EPHA6: variants seen among roughly 807,000 people sequenced by gnomAD.
The protein encoded by EPHA6 is ephrin type-A receptor 6.
EPHA6 carries 50 observed loss-of-function variants against 112.0 expected under a neutral mutation model. The observed-to-expected ratio is 0.45, with a 90% confidence interval of 0.36 to 0.56. EPHA6 has a LOEUF of 0.56. EPHA6 is among the 20% of genes least tolerant of loss of function. The pLI, the probability that EPHA6 is intolerant of heterozygous loss-of-function variation, is 0.00. For missense variants in EPHA6, 1,280 were observed against 1,417.4 expected (o/e 0.90, Z 1.56); for synonymous variants, 529 against 490.7 (o/e 1.08, Z -1.03).
intron 3 of EPHA6, among the ~76,000 whole-genome samples, chr3:97,084,499 G>A (rs1024886132): frequency 6.6e-6 from 1 of 151,950 alleles, no homozygotes; most frequent in South Asian, 2.1e-4. Context: ...CTCACTGGGC[G>A]AAACGCAACA....
chr3:97,212,209 G>A (rs2077896260), intron 3 of EPHA6, among the ~76,000 whole-genome samples: 1 of 152,044 alleles, frequency 6.6e-6, no homozygotes, highest in Admixed American at 6.6e-5. Context: ...TTCATTTCAG[G>A]ATACTTGGGA....
chr3:97,307,471 T>A (rs1017108371), intron 5 of EPHA6, among the ~76,000 whole-genome samples: 1 of 151,834 alleles, frequency 6.6e-6, no homozygotes, highest in Non-Finnish European at 1.5e-5. Flanking sequence ...GTTGTACATG[T>A]CAGATTCCCC....
chr3:97,139,731 C>T (rs1045559865), intron 3 of EPHA6, among the ~76,000 whole-genome samples: 1 of 152,098 alleles, frequency 6.6e-6, no homozygotes, highest in Non-Finnish European at 1.5e-5. Context: ...GGCAGCTTCT[C>T]CAGATGAGAA....
chr3:97,617,448 G>T (rs1240166707), intron 13 of EPHA6, among the ~76,000 whole-genome samples: 1 of 152,090 alleles, frequency 6.6e-6, no homozygotes, highest in South Asian at 2.1e-4. Context: ...AAATGTAAAT[G>T]GGCTAAGTGC....
At chr3:96,944,496 A>G (rs2041147957) in intron 2 of EPHA6, among the ~76,000 whole-genome samples, 1 of 152,218 alleles carries the variant, frequency 6.6e-6, no homozygotes, top group Admixed American at 6.5e-5. Flanking sequence ...CTGAACTCCT[A>G]CTTGGTTATT....
chr3:97,503,511 G>GAAGT (rs1231261130), intron 10 of EPHA6, among the ~76,000 whole-genome samples: 9 of 152,138 alleles, frequency 5.9e-5, no homozygotes, highest in African/African-American at 1.4e-4. Context: ...CACAAAGCAT[G>GAAGT]CACCAAAGCT....
At chr3:97,531,493 T>C (rs1363059074) in intron 10 of EPHA6, among the ~76,000 whole-genome samples, 1 of 152,016 alleles carries the variant, frequency 6.6e-6, no homozygotes, top group African/African-American at 2.4e-5. Flanking sequence ...ACCTAAATCC[T>C]GCTCATCTCT....
intron 11 of EPHA6, among the ~76,000 whole-genome samples, chr3:97,581,142 A>C (rs1014179382): frequency 1.3e-5 from 2 of 152,202 alleles, no homozygotes; most frequent in African/African-American, 4.8e-5. Context: ...ATGAGAAGGC[A>C]CATATGCAAC....
intron 5 of EPHA6, among the ~76,000 whole-genome samples, chr3:97,368,950 C>T (rs911143364): frequency 6.6e-6 from 1 of 152,070 alleles, no homozygotes; most frequent in Admixed American, 6.6e-5. Context: ...ATAGGTTGAC[C>T]TGTTTTGTAT....
intron 5 of EPHA6, among the ~76,000 whole-genome samples, chr3:97,253,595 T>A (rs1184726163): frequency 6.6e-6 from 1 of 152,180 alleles, no homozygotes; most frequent in Non-Finnish European, 1.5e-5. Context: ...ATTTCCTAAG[T>A]AATCTTTTAT....
At chr3:97,572,193 C>G (rs1051648808) in intron 11 of EPHA6, among the ~76,000 whole-genome samples, 3 of 149,902 alleles carry the variant, frequency 2.0e-5, no homozygotes, top group Admixed American at 2.0e-4. Context: ...CTCTGTCGCC[C>G]AGGCTGGAGT....
At chr3:97,436,926 A>G (rs1346577529) in intron 6 of EPHA6, among the ~76,000 whole-genome samples, 2 of 152,202 alleles carry the variant, frequency 1.3e-5, no homozygotes, top group Admixed American at 1.3e-4. Flanking sequence ...TTTATTGTGT[A>G]TAATTAAGAG....
intron 2 of EPHA6, among the ~76,000 whole-genome samples, chr3:96,969,383 C>G (rs1191541928): frequency 6.6e-6 from 1 of 151,846 alleles, no homozygotes; most frequent in Admixed American, 6.6e-5. Flanking sequence ...GGCCGATGAT[C>G]GTGGATATAA....
At chr3:97,455,006 T>C (rs767440022) in intron 7 of EPHA6, among the ~76,000 whole-genome samples, 9 of 151,990 alleles carry the variant, frequency 5.9e-5, no homozygotes, top group Non-Finnish European at 1.2e-4. Flanking sequence ...ACTTTCAACA[T>C]TGGCAGCCAT....
intron 5 of EPHA6, among the ~76,000 whole-genome samples, chr3:97,298,143 C>T (rs993960648): frequency 1.3e-5 from 2 of 152,128 alleles, no homozygotes; most frequent in Non-Finnish European, 2.9e-5. Context: ...TTAAATCAAA[C>T]GCAATGCCAA....
chr3:97,309,889 G>C (rs1181655355), intron 5 of EPHA6, among the ~76,000 whole-genome samples: 1 of 151,580 alleles, frequency 6.6e-6, no homozygotes, highest in East Asian at 1.9e-4. Context: ...ATTTTTCAAA[G>C]TTGTTGACTT....
intron 3 of EPHA6, among the ~76,000 whole-genome samples, chr3:97,058,443 A>C (rs1010410841): frequency 6.6e-6 from 1 of 152,082 alleles, no homozygotes; most frequent in Non-Finnish European, 1.5e-5. Context: ...GACTACAGGC[A>C]GGCACCACCC....
At chr3:97,245,930 C>T (rs1289007149) in intron 5 of EPHA6, among the ~76,000 whole-genome samples, 1 of 151,924 alleles carries the variant, frequency 6.6e-6, no homozygotes, top group Non-Finnish European at 1.5e-5. Flanking sequence ...ATTCACTTTG[C>T]TGATAATCTT....
intron 5 of EPHA6, among the ~76,000 whole-genome samples, chr3:97,270,081 G>C (rs1218379762): frequency 2.6e-5 from 4 of 152,010 alleles, no homozygotes; most frequent in African/African-American, 9.7e-5. Flanking sequence ...TTGAGTTTTT[G>C]TTGCCTAGAC....
Sources: allele counts gnomAD v4.1 joint callset (sites outside exome capture counted in the v4.1 genomes callset), GRCh38; gene constraint gnomAD v4.1.1; transcripts MANE v1.5; gene names NCBI Gene and HGNC (gene_info 2026-07-23, HGNC 2026-07-21).